The following UPF2 variants were observed in gnomAD, a reference collection of about 807,000 sequenced individuals.
UPF2 encodes the protein UPF2 regulator of nonsense mediated mRNA decay.
In UPF2, 17 loss-of-function variants were observed where a neutral mutation model predicts 141.4. The ratio of observed to expected loss-of-function variants is 0.12; its 90% CI spans 0.08 to 0.18. The LOEUF is 0.18. Ranked by LOEUF, UPF2 falls within the 10% of genes least tolerant of loss-of-function variation. The pLI, the probability that UPF2 is intolerant of heterozygous loss-of-function variation, is 1.00. For synonymous variants in UPF2, 540 were observed against 498.0 expected (o/e 1.08, Z -1.12); for missense variants, 1,152 against 1,515.9 (o/e 0.76, Z 3.99).
intron 8 of UPF2, among the ~76,000 whole-genome samples, chr10:11,988,242 T>C (rs978518360): frequency 1.3e-5 from 2 of 152,218 alleles, no homozygotes; most frequent in African/African-American, 4.8e-5. Context: ...ACCCAAAAGA[T>C]ACCAAATTAC....
chr10:12,038,784 G>T (rs2131321556), intron 1 of UPF2, among the ~76,000 whole-genome samples: 1 of 151,790 alleles, frequency 6.6e-6, no homozygotes, highest in East Asian at 1.9e-4. Flanking sequence ...TCTATGCCAA[G>T]ACAACATTAG....
rs529531228 is a variant in UPF2 at position 12,029,799 on chromosome 10, TAAAAATAC to T, written c.366-283_366-276del. On this transcript the variant is annotated intron_variant, in intron 2 of 21. Transcript: ENST00000357604. The stretch of plus-strand genomic sequence containing the variant: ...CAATATGGTGAAACCCCACCTCTAC[TAAAAATAC>T]AAAAATTAGCTGGGCGTGATGGCGC... 3.0e-3 allele frequency among the ~76,000 whole-genome samples: 455 copies of T among 151,918 alleles called. 2 individuals are homozygous for T. Among genetic ancestry groups the T allele is most frequent in the African/African-American group, 0.01 (433 of 41,428 alleles).
At chr10:12,029,957 C>CAA (rs113204207) in intron 2 of UPF2, among the ~76,000 whole-genome samples, 5 of 71,134 alleles carry the variant, frequency 7.0e-5, no homozygotes, top group African/African-American at 1.0e-4. Flanking sequence ...GACTCCGTCT[C>CAA]AAAAAAAAAA....
chr10:12,005,374 C>T (rs1205365414), intron 4 of UPF2, among the ~76,000 whole-genome samples: 1 of 152,114 alleles, frequency 6.6e-6, no homozygotes, highest in African/African-American at 2.4e-5. Flanking sequence ...AGTCAGTGTT[C>T]CAAAGGGTAG....
At position 12,016,207 on chromosome 10, in the gene UPF2, T is replaced by C. The variant is rs1466817759; in HGVS notation, c.1146-2023A>G. Among the ~76,000 whole-genome samples the C allele has an allele frequency of 6.6e-6, 1 of 152,086 alleles. No individual in the cohort carries two copies. The highest frequency in any genetic ancestry group is 1.5e-5 in the Non-Finnish European group (1 of 68,004). ...AACTCATTTTGGAAGTGAAAAGTCA[T>C]TTAAAAAAAATTTTTTTTAATTTAC... On this transcript the variant is annotated intron_variant, in intron 3 of 21. Coordinates refer to ENST00000357604, the MANE Select transcript of UPF2 (RefSeq NM_015542.4). The surrounding 1 kb of genome is among the most constrained non-coding windows in gnomAD (Gnocchi z 4.1).
At chr10:11,962,802 C>A (rs945597759) in intron 11 of UPF2, among the ~76,000 whole-genome samples, 1 of 152,158 alleles carries the variant, frequency 6.6e-6, no homozygotes, top group African/African-American at 2.4e-5. Context: ...TCCAGTTTTA[C>A]CTGCAGCTGT....
intron 10 of UPF2, among the ~76,000 whole-genome samples, chr10:11,966,323 C>A (rs1295568107): frequency 1.3e-5 from 2 of 152,152 alleles, no homozygotes; most frequent in Admixed American, 1.3e-4. Flanking sequence ...ACAATTTTTG[C>A]TTTATATATT....
At chr10:12,015,264 T>A (rs1368924552) in intron 3 of UPF2, among the ~76,000 whole-genome samples, 1 of 152,230 alleles carries the variant, frequency 6.6e-6, no homozygotes, top group Non-Finnish European at 1.5e-5. Flanking sequence ...AGGTTTTCTG[T>A]AATGCCATCT....
At chr10:12,034,314 A>G (rs1311409626) in intron 2 of UPF2, among the ~76,000 whole-genome samples, 1 of 151,456 alleles carries the variant, frequency 6.6e-6, no homozygotes, top group Non-Finnish European at 1.5e-5. Context: ...AAAAGTTTTT[A>G]TTTTATTATT....
chr10:11,963,938 A>T, intron 11 of UPF2, 71 bp downstream of exon 11: 1 of 1,084,046 alleles, frequency 9.2e-7, no homozygotes, highest in Non-Finnish European at 1.4e-6. Context: ...AGCACTGGTC[A>T]ATATTTTCAA....
chr10:11,944,967 C>T (rs1331734591), intron 16 of UPF2, among the ~76,000 whole-genome samples: 3 of 152,228 alleles, frequency 2.0e-5, no homozygotes, highest in African/African-American at 4.8e-5. Context: ...TTCAACCTAT[C>T]TGTGCCTTTG....
chr10:11,975,050 G>A (rs1387639392), intron 9 of UPF2, among the ~76,000 whole-genome samples: 2 of 152,174 alleles, frequency 1.3e-5, no homozygotes, highest in Admixed American at 1.3e-4. Flanking sequence ...AAAGTTGGAA[G>A]ATGATTAATT....
Position 11,956,243 on chromosome 10 carries a change from G to C in UPF2, c.2574+77C>G. The stretch of plus-strand genomic sequence containing the variant: ...ATAAATTTACAGATTCCTATAACTT[G>C]AGTCTCAATAGTAACCTAGAAATAA... On this transcript the variant is annotated intron_variant, in intron 13 of 21. Coordinates refer to ENST00000357604, the MANE Select transcript of UPF2 (RefSeq NM_015542.4). This position sits in a 1 kb window ranked among gnomAD's most constrained non-coding sequence, Gnocchi z 4.2. 1 of 1,304,474 alleles carries C rather than the reference G, an allele frequency of 7.7e-7. No homozygotes were observed. The highest frequency in any genetic ancestry group is 2.3e-5 in the East Asian group (1 of 42,768). The allele number at this position is 1,304,474 out of a possible 1,614,324, so 80.8% of individuals were successfully genotyped here. A position where few individuals can be genotyped will look rare whatever the true frequency, so the allele number is the denominator to read the frequency against.
Position 12,042,669 on chromosome 10 carries a change from G to A in UPF2, c.-19+86C>T, listed in dbSNP as rs1834759451. On this transcript the variant is annotated intron_variant, in intron 1 of 21. Transcript: ENST00000357604. The surrounding 1 kb of genome is among the most constrained non-coding windows in gnomAD (Gnocchi z 5.5). ...GTGGAGTCGCCTCTGGGGTCCCCCA[G>A]GGAGTAGGAGTCTAGGCCGGTGCCC... 6.6e-6 allele frequency: 1 copy of A among 152,452 alleles called. No individual in the cohort carries two copies. The highest frequency in any genetic ancestry group is 2.4e-5 in the African/African-American group (1 of 41,442). The allele number at this position is 152,452 out of a possible 1,614,324, so 9.4% of individuals were successfully genotyped here. A position where few individuals can be genotyped will look rare whatever the true frequency, so the allele number is the denominator to read the frequency against.
chr10:12,004,288 T>TA (rs1287246852), intron 5 of UPF2, among the ~76,000 whole-genome samples: 6 of 152,182 alleles, frequency 3.9e-5, no homozygotes, highest in Admixed American at 3.9e-4. Context: ...CAAGACATTA[T>TA]AAACAAACAC....
rs548766694 is a variant in UPF2 at position 11,930,990 on chromosome 10, C to T, written c.3688+651G>A. ...CTAGCCTATGAAGTCTCCATGGACT[C>T]GATGTGTAAGGTTCCAACTAACTGA... On this transcript the variant is annotated intron_variant, in intron 20 of 21. Transcript: ENST00000357604. 3.9e-5 allele frequency among the ~76,000 whole-genome samples: 6 copies of T among 152,162 alleles called. No homozygotes were observed. In the South Asian group the frequency reaches 8.3e-4, roughly 21 times the overall value.
In UPF2 at chr10:11,953,020, T is replaced by C. The variant is rs1833097700; in HGVS notation, c.2851-771A>G. Among the ~76,000 whole-genome samples the C allele has an allele frequency of 6.6e-6, 1 of 152,234 alleles. No homozygotes were observed. Among genetic ancestry groups the C allele is most frequent in the African/African-American group, 2.4e-5 (1 of 41,452 alleles). ...GGTTTTTGAAATATATAAAAATCAC[T>C]AATCATCAACAAGCATTTATTGAAT... On this transcript the variant is annotated intron_variant, in intron 14 of 21. Coordinates refer to ENST00000357604, the MANE Select transcript of UPF2 (RefSeq NM_015542.4). The surrounding 1 kb of genome is among the most constrained non-coding windows in gnomAD (Gnocchi z 5.0).
chr10:12,017,817 C>T (rs764083686), intron 3 of UPF2, among the ~76,000 whole-genome samples: 10 of 152,160 alleles, frequency 6.6e-5, no homozygotes, highest in East Asian at 1.9e-4. Context: ...TAGGTATACA[C>T]GTGCCATGGT....
intron 8 of UPF2, among the ~76,000 whole-genome samples, chr10:11,995,800 C>A (rs1306329003): frequency 6.6e-6 from 1 of 151,920 alleles, no homozygotes; most frequent in Non-Finnish European, 1.5e-5. Flanking sequence ...AGAGGTTTTA[C>A]CAAGAGTTTG....
Sources: gnomAD v4.1 joint callset for allele counts (sites outside exome capture counted in the v4.1 genomes callset) on GRCh38, gnomAD v4.1.1 for gene constraint, Gnocchi (gnomAD v3.1) non-coding constraint, MANE v1.5 for transcripts, NCBI Gene and HGNC (gene_info 2026-07-23, HGNC 2026-07-21) for gene names.